TLL1: variants seen among roughly 807,000 people sequenced by gnomAD.
TLL1 encodes the protein tolloid-like protein 1.
A neutral mutation model predicts 128.2 loss-of-function variants in TLL1; 49 were observed. That is an observed-to-expected ratio of 0.38 (90% CI 0.30 to 0.48). The LOEUF is 0.48. TLL1 is among the 20% of genes least tolerant of loss of function. TLL1 has a pLI of 0.96. For synonymous variants in TLL1, 454 were observed against 418.8 expected (o/e 1.08, Z -1.03); for missense variants, 1,123 against 1,242.0 (o/e 0.90, Z 1.44).
chr4:166,094,814 C>G (rs1241130106), intron 19 of TLL1, among the ~76,000 whole-genome samples: 1 of 151,880 alleles, frequency 6.6e-6, no homozygotes, highest in South Asian at 2.1e-4. Context: ...TTTTATTTCT[C>G]CTCAAAATCT....
At chr4:166,071,774 T>C (rs542746875) in intron 16 of TLL1, among the ~76,000 whole-genome samples, 1 of 151,986 alleles carries the variant, frequency 6.6e-6, no homozygotes, top group Admixed American at 6.6e-5. Context: ...AGGAAATCTA[T>C]AATATATTTG....
intron 7 of TLL1, among the ~76,000 whole-genome samples, chr4:166,009,919 T>G (rs1428016486): frequency 1.3e-5 from 2 of 151,390 alleles, no homozygotes; most frequent in East Asian, 3.9e-4. Context: ...GTAAAACAGA[T>G]GTCCATAACT....
At chr4:165,908,884 G>A (rs770501415) in intron 1 of TLL1, among the ~76,000 whole-genome samples, 4 of 152,060 alleles carry the variant, frequency 2.6e-5, no homozygotes, top group Non-Finnish European at 4.4e-5. Flanking sequence ...AACTGGATAT[G>A]TTGATGAACT....
Position 165,873,982 on chromosome 4 carries a change from G to C in TLL1, c.78G>C (p.Trp26Cys). Residue 26 changes from tryptophan to cysteine, a missense_variant, in exon 1 of 21, where the codon TGG becomes TGC. Physicochemically the swap from Trp to Cys is radical, Grantham distance 215. Transcript: ENST00000061240. ...GGATTGTTTTCTACGGGGAGCTATG[G>C]GTCTGCGCTGGCCTCGATTATGATT... is the stretch of plus-strand genomic sequence containing the variant. ...ASGIVFYGEL[W>C]VCAGLDYDYT... The C allele has an allele frequency of 1.2e-6, 2 of 1,614,148 alleles. No homozygotes were observed. Among genetic ancestry groups the C allele is most frequent in the Non-Finnish European group, 1.7e-6 (2 of 1,180,010 alleles).
chr4:165,900,667 A>ATT (rs139239795), intron 1 of TLL1, among the ~76,000 whole-genome samples: 2 of 151,814 alleles, frequency 1.3e-5, no homozygotes, highest in East Asian at 1.9e-4. Context: ...TGCCCTTAAC[A>ATT]TTTTTTTCCG....
At chr4:166,074,164 C>T (rs1740912962) in intron 16 of TLL1, among the ~76,000 whole-genome samples, 1 of 151,936 alleles carries the variant, frequency 6.6e-6, no homozygotes. Flanking sequence ...CTAATCTTTA[C>T]CTTACTTCTA....
chr4:165,964,067 A>G (rs1233449252), intron 1 of TLL1, among the ~76,000 whole-genome samples: 1 of 152,144 alleles, frequency 6.6e-6, no homozygotes, highest in Non-Finnish European at 1.5e-5. Context: ...TTTACTACCT[A>G]ATGGGGAGAT....
At chr4:166,091,575 T>C (rs1741783068) in intron 19 of TLL1, among the ~76,000 whole-genome samples, 1 of 152,120 alleles carries the variant, frequency 6.6e-6, no homozygotes, top group Non-Finnish European at 1.5e-5. Flanking sequence ...CAGTGCAGTT[T>C]GTTTAAGTAG....
intron 1 of TLL1, among the ~76,000 whole-genome samples, chr4:165,875,545 A>G (rs146054833): frequency 6.6e-6 from 1 of 151,964 alleles, no homozygotes; most frequent in East Asian, 1.9e-4. Context: ...TAATAACTGT[A>G]TCTATTTTCC....
intron 7 of TLL1, among the ~76,000 whole-genome samples, chr4:166,009,382 A>G (rs568361201): frequency 4.4e-4 from 67 of 151,580 alleles, no homozygotes; most frequent in Non-Finnish European, 8.7e-4. Flanking sequence ...GAGAAAAACA[A>G]TTTATTCTTT....
At chr4:166,060,797 C>T (rs1013281673) in intron 15 of TLL1, among the ~76,000 whole-genome samples, 1 of 152,052 alleles carries the variant, frequency 6.6e-6, no homozygotes, top group Non-Finnish European at 1.5e-5. Flanking sequence ...TGTGCTAGTG[C>T]ACACACACAC....
In TLL1 at chr4:166,089,703, AG is replaced by A. The variant is rs1010071660; in HGVS notation, c.2443-1424del. Among the ~76,000 whole-genome samples, 39 of 152,222 alleles carry A rather than the reference AG, an allele frequency of 2.6e-4. 1 individual carries two copies. Among genetic ancestry groups the A allele is most frequent in the African/African-American group, 9.1e-4 (38 of 41,568 alleles). On this transcript the variant is annotated intron_variant, in intron 18 of 20. Coordinates refer to ENST00000061240, the MANE Select transcript of TLL1 (RefSeq NM_012464.5). ...CTAGCCAGTATCTTTGATCAAATGA[AG>A]TAAGCCTTCCTTTTCATCCATAATG...
At chr4:166,023,829 A>G (rs1738360689) in intron 8 of TLL1, among the ~76,000 whole-genome samples, 1 of 152,180 alleles carries the variant, frequency 6.6e-6, no homozygotes, top group African/African-American at 2.4e-5. Context: ...GTACTTGAGG[A>G]AATTCAGTAC....
At chr4:166,031,288 A>C (rs563923332) in intron 9 of TLL1, among the ~76,000 whole-genome samples, 1 of 152,144 alleles carries the variant, frequency 6.6e-6, no homozygotes, top group South Asian at 2.1e-4. Flanking sequence ...GAATATAAAC[A>C]CATGACTGTT....
At chr4:166,049,912 A>G (rs58628545) in intron 12 of TLL1, among the ~76,000 whole-genome samples, 4,330 of 152,136 alleles carry the variant, frequency 0.028, 144 homozygotes, top group African/African-American at 0.08. Flanking sequence ...CAGCTTTAAC[A>G]TTGCTCCAAG....
At chr4:166,063,443 A>G (rs1579695248) in intron 15 of TLL1, among the ~76,000 whole-genome samples, 2 of 152,180 alleles carry the variant, frequency 1.3e-5, no homozygotes, top group East Asian at 1.9e-4. Flanking sequence ...CGATTCCTCA[A>G]GGATCTAGAA....
chr4:165,955,986 C>T (rs912679084), intron 1 of TLL1, among the ~76,000 whole-genome samples: 3 of 152,036 alleles, frequency 2.0e-5, no homozygotes, highest in Admixed American at 1.3e-4. Flanking sequence ...CCCACCTGAG[C>T]CTCAAACCAG....
chr4:166,062,965 TA>T (rs1560845850), intron 15 of TLL1, among the ~76,000 whole-genome samples: 1 of 152,218 alleles, frequency 6.6e-6, no homozygotes, highest in African/African-American at 2.4e-5. Context: ...TTTCTGCATC[TA>T]TTGAGATAAT....
chr4:165,950,947 A>G (rs1169696888), intron 1 of TLL1, among the ~76,000 whole-genome samples: 1 of 152,126 alleles, frequency 6.6e-6, no homozygotes, highest in Non-Finnish European at 1.5e-5. Context: ...GACATTAGAG[A>G]AAAATCAATG....
Sources: allele counts gnomAD v4.1 joint callset (sites outside exome capture counted in the v4.1 genomes callset), GRCh38; gene constraint gnomAD v4.1.1; transcripts MANE v1.5; gene names NCBI Gene and HGNC (gene_info 2026-07-23, HGNC 2026-07-21).